The following XKR6 variants were observed in gnomAD, a reference collection of about 807,000 sequenced individuals.
XKR6 encodes the protein XK related 6.
XKR6 carries 22 observed loss-of-function variants against 56.7 expected under a neutral mutation model. That is an observed-to-expected ratio of 0.39 (90% CI 0.28 to 0.55). The LOEUF (loss-of-function observed/expected upper bound fraction) is 0.55, where lower values mean the gene tolerates loss of function less well. Ranked by LOEUF, XKR6 falls within the 20% of genes least tolerant of loss-of-function variation. XKR6 has a pLI of 0.66. For missense variants in XKR6, 852 were observed against 889.0 expected, an observed-to-expected ratio of 0.96 and a Z score of 0.53; for synonymous variants, 524 against 387.8, an observed-to-expected ratio of 1.35 and a Z score of -4.13.
rs117927616 is a variant in XKR6 at position 11,098,595 on chromosome 8, T to C, written c.764+101981A>G. Among the ~76,000 whole-genome samples the C allele has an allele frequency of 3.2e-3, 486 of 152,308 alleles. 4 individuals carry two copies. Among genetic ancestry groups the C allele is most frequent in the Non-Finnish European group, 5.5e-3 (371 of 68,022 alleles). On this transcript the variant is annotated intron_variant, in intron 1 of 2. Transcript: ENST00000416569. Reference sequence around the variant, plus strand: ...TCCATAGGCTAGGATGACTATGTGGTCATGCATGTTTGAATTATGTTCCTG... The same window carrying C: ...TCCATAGGCTAGGATGACTATGTGGCCATGCATGTTTGAATTATGTTCCTG...
At chr8:11,044,008 G>C (rs1799348216) in intron 1 of XKR6, among the ~76,000 whole-genome samples, 1 of 152,180 alleles carries the variant, frequency 6.6e-6, no homozygotes, top group African/African-American at 2.4e-5. Flanking sequence ...CTTGCCTCAA[G>C]ATAAGCAATA....
intron 1 of XKR6, among the ~76,000 whole-genome samples, chr8:11,191,085 T>C (rs76882248): frequency 0.061 from 9,319 of 152,210 alleles, 323 homozygotes; most frequent in South Asian, 0.11. Context: ...TAGGAGGCAC[T>C]TTATTGATCT....
chr8:10,965,217 C>T (rs1381307941), intron 1 of XKR6, among the ~76,000 whole-genome samples: 2 of 152,238 alleles, frequency 1.3e-5, no homozygotes, highest in African/African-American at 4.8e-5. Context: ...CTGAGAAAGC[C>T]CATTTCCTTC....
rs139923166 is a variant in XKR6 at position 10,940,331 on chromosome 8, C to T, written c.765-15501G>A. Among the ~76,000 whole-genome samples, 357 of 152,338 alleles carry T rather than the reference C, an allele frequency of 2.3e-3. 15 individuals are homozygous for T. Among genetic ancestry groups the T allele is most frequent in the Admixed American group, 0.021 (316 of 15,310 alleles). ...CCTTGGTCAACATTCGAGAATGCCACATAGCTCATGCCTTCAGGGCTCCAG... is the reference window on the plus strand; with the variant it reads ...CCTTGGTCAACATTCGAGAATGCCATATAGCTCATGCCTTCAGGGCTCCAG... On this transcript the variant is annotated intron_variant, in intron 1 of 2. Transcript: ENST00000416569.
chr8:10,917,072 C>CT (rs35887024), intron 2 of XKR6, among the ~76,000 whole-genome samples: 1,814 of 143,802 alleles, frequency 0.013, 45 homozygotes, highest in African/African-American at 0.042. Context: ...AGCAAAGATG[C>CT]TTTTTTTTTT....
chr8:11,131,041 T>G (rs1438388908), intron 1 of XKR6, among the ~76,000 whole-genome samples: 2 of 152,192 alleles, frequency 1.3e-5, no homozygotes, highest in East Asian at 3.8e-4. Flanking sequence ...GACCCTGTTT[T>G]AGAGATTCTG....
chr8:10,997,182 C>A (rs1798132752), intron 1 of XKR6, among the ~76,000 whole-genome samples: 2 of 152,098 alleles, frequency 1.3e-5, no homozygotes, highest in South Asian at 2.1e-4. Flanking sequence ...TTATAAATGA[C>A]CCCACCTAGC....
At chr8:11,182,027 C>T (rs983692944) in intron 1 of XKR6, among the ~76,000 whole-genome samples, 6 of 152,322 alleles carry the variant, frequency 3.9e-5, no homozygotes, top group South Asian at 2.1e-4. Flanking sequence ...TCAAGCGATC[C>T]GCTCGCTTCC....
At chr8:10,907,638 A>G (rs1247314498) in intron 2 of XKR6, among the ~76,000 whole-genome samples, 1 of 152,236 alleles carries the variant, frequency 6.6e-6, no homozygotes, top group Non-Finnish European at 1.5e-5. Flanking sequence ...TCTGAATCCA[A>G]AACTCAGATT....
chr8:11,154,683 T>C (rs1017560364), intron 1 of XKR6, among the ~76,000 whole-genome samples: 19 of 152,216 alleles, frequency 1.2e-4, no homozygotes, highest in African/African-American at 3.9e-4. Flanking sequence ...AGTCAGTGTA[T>C]TTTTTACAGT....
chr8:10,995,073 G>A (rs1438707303), intron 1 of XKR6, among the ~76,000 whole-genome samples: 1 of 152,202 alleles, frequency 6.6e-6, no homozygotes, highest in Non-Finnish European at 1.5e-5. Flanking sequence ...TGCAGCTAGC[G>A]AGACTCAGGC....
At chr8:11,079,307 A>C (rs1158663255) in intron 1 of XKR6, among the ~76,000 whole-genome samples, 1 of 152,248 alleles carries the variant, frequency 6.6e-6, no homozygotes, top group East Asian at 1.9e-4. Flanking sequence ...AAATAAACAC[A>C]TTTTGGCGCA....
intron 1 of XKR6, among the ~76,000 whole-genome samples, chr8:11,063,817 C>T (rs1458430981): frequency 6.6e-6 from 1 of 152,184 alleles, no homozygotes; most frequent in Non-Finnish European, 1.5e-5. Context: ...GCCACAGATA[C>T]TCTCCATTTG....
At chr8:10,991,940 C>A (rs1403222178) in intron 1 of XKR6, among the ~76,000 whole-genome samples, 1 of 152,198 alleles carries the variant, frequency 6.6e-6, no homozygotes, top group Admixed American at 6.5e-5. Context: ...CTGGATAATT[C>A]TATTCCCCAC....
chr8:10,954,928 G>T (rs1309871301), intron 1 of XKR6, among the ~76,000 whole-genome samples: 3 of 140,832 alleles, frequency 2.1e-5, no homozygotes. Context: ...AAGTGCAGTG[G>T]TGCAATCTTG....
chr8:10,924,332 G>A (rs1480635636), intron 2 of XKR6, among the ~76,000 whole-genome samples: 1 of 152,260 alleles, frequency 6.6e-6, no homozygotes, highest in African/African-American at 2.4e-5. Flanking sequence ...CCCAAGGACA[G>A]GGGCCACTGC....
intron 1 of XKR6, among the ~76,000 whole-genome samples, chr8:11,165,965 T>C (rs1802051070): frequency 1.4e-5 from 2 of 148,062 alleles, no homozygotes; most frequent in African/African-American, 5.1e-5. Context: ...TTGGGTTTTT[T>C]TTTTTTTTGA....
At chr8:11,123,847 C>G (rs1563154182) in intron 1 of XKR6, 1 of 456,280 alleles carries the variant, frequency 2.2e-6, no homozygotes, top group African/African-American at 2.0e-5. Flanking sequence ...GTTCCAGTGT[C>G]CCGTGGTCCC....
At position 11,060,306 on chromosome 8, in the gene XKR6, C is replaced by A. The variant is rs79823012; in HGVS notation, c.765-135476G>T. On this transcript the variant is annotated intron_variant, in intron 1 of 2. Coordinates refer to ENST00000416569, the MANE Select transcript of XKR6 (RefSeq NM_173683.4). ...CAGCAGCAGGGCTTTCCCTTCCTCC[C>A]GCCTCCCTGCCTCCATGCCTCCACG... 5.5e-3 allele frequency among the ~76,000 whole-genome samples: 835 copies of A among 152,256 alleles called. 6 individuals carry two copies. Among genetic ancestry groups the A allele is most frequent in the African/African-American group, 0.019 (795 of 41,534 alleles).
Sources: allele counts gnomAD v4.1 joint callset (sites outside exome capture counted in the v4.1 genomes callset), GRCh38; gene constraint gnomAD v4.1.1; transcripts MANE v1.5; gene names NCBI Gene and HGNC (gene_info 2026-07-23, HGNC 2026-07-21).